The following ROBO1 variants were observed in gnomAD, a reference collection of about 807,000 sequenced individuals.
ROBO1 encodes the protein roundabout homolog 1.
A neutral mutation model predicts 195.9 loss-of-function variants in ROBO1; 149 were observed. The ratio of observed to expected loss-of-function variants is 0.76; its 90% CI spans 0.67 to 0.87. The LOEUF is 0.87. ROBO1 is among the 40% of genes least tolerant of loss of function. ROBO1 has a pLI of 0.00. For synonymous variants in ROBO1, 816 were observed against 733.2 expected, an observed-to-expected ratio of 1.11 and a Z score of -1.82; for missense variants, 1,933 against 2,068.3, an observed-to-expected ratio of 0.93 and a Z score of 1.27.
At chr3:79,305,241 C>T (rs548039100) in intron 2 of ROBO1, among the ~76,000 whole-genome samples, 15 of 152,226 alleles carry the variant, frequency 9.9e-5, no homozygotes, top group Admixed American at 4.6e-4. Context: ...AATCCCAACA[C>T]TTTGAGAGGC....
At chr3:78,734,210 A>G (rs964751594) in intron 5 of ROBO1, among the ~76,000 whole-genome samples, 3 of 152,162 alleles carry the variant, frequency 2.0e-5, no homozygotes, top group African/African-American at 7.2e-5. Context: ...GGAAGGCAGC[A>G]TAGGCATACT....
Position 79,441,814 on chromosome 3 carries a change from G to A in ROBO1, c.88+148010C>T, listed in dbSNP as rs545517638. Among the ~76,000 whole-genome samples the A allele has an allele frequency of 1.7e-4, 26 of 152,178 alleles. No individual in the cohort carries two copies. In the East Asian group the frequency reaches 4.1e-3, roughly 24 times the overall value. ...ATTTAGAAGTCATACTAGGCAGGACGCTCTAAAGGCATGAATCTGTGCTCC... is the reference window on the plus strand; with the variant it reads ...ATTTAGAAGTCATACTAGGCAGGACACTCTAAAGGCATGAATCTGTGCTCC... On this transcript the variant is annotated intron_variant, in intron 2 of 30. Transcript: ENST00000464233.
intron 2 of ROBO1, among the ~76,000 whole-genome samples, chr3:79,225,236 T>G (rs2082206293): frequency 6.6e-6 from 1 of 152,210 alleles, no homozygotes; most frequent in African/African-American, 2.4e-5. Flanking sequence ...GGAATCTTCC[T>G]GCAGGTCTGT....
intron 2 of ROBO1, among the ~76,000 whole-genome samples, chr3:79,215,195 T>A (rs2082033684): frequency 6.6e-6 from 1 of 152,160 alleles, no homozygotes; most frequent in Admixed American, 6.6e-5. Flanking sequence ...TTAGCTCTGA[T>A]GACTTGTACA....
At chr3:78,883,953 GC>G (rs2036342814) in intron 4 of ROBO1, among the ~76,000 whole-genome samples, 1 of 152,162 alleles carries the variant, frequency 6.6e-6, no homozygotes, top group South Asian at 2.1e-4. Flanking sequence ...TGCTGCATGT[GC>G]AAAATCAGAG....
chr3:79,036,685 GT>G (rs1256197769), intron 3 of ROBO1, among the ~76,000 whole-genome samples: 1 of 152,036 alleles, frequency 6.6e-6, no homozygotes, highest in Non-Finnish European at 1.5e-5. Context: ...TTGACTGGGA[GT>G]TTTATAATGA....
At chr3:78,925,102 T>A (rs2039138148) in intron 4 of ROBO1, among the ~76,000 whole-genome samples, 1 of 152,152 alleles carries the variant, frequency 6.6e-6, no homozygotes, top group Non-Finnish European at 1.5e-5. Context: ...AGGTAAACTT[T>A]TACACTATAC....
chr3:79,186,851 T>G (rs968737443), intron 2 of ROBO1, among the ~76,000 whole-genome samples: 1 of 152,104 alleles, frequency 6.6e-6, no homozygotes, highest in Non-Finnish European at 1.5e-5. Context: ...GAATATCGCA[T>G]AGGAAATGTT....
intron 3 of ROBO1, among the ~76,000 whole-genome samples, chr3:79,121,165 C>T (rs2080109113): frequency 6.6e-6 from 1 of 152,042 alleles, no homozygotes; most frequent in African/African-American, 2.4e-5. Context: ...GTAAAGTGCT[C>T]AGAAAATGGC....
At chr3:79,323,145 G>A (rs577490106) in intron 2 of ROBO1, among the ~76,000 whole-genome samples, 3 of 151,012 alleles carry the variant, frequency 2.0e-5, no homozygotes, top group Admixed American at 6.6e-5. Flanking sequence ...GCAGTGGCAC[G>A]ATCGCAGCTC....
chr3:79,545,041 T>C (rs908160476), intron 2 of ROBO1, among the ~76,000 whole-genome samples: 1 of 152,056 alleles, frequency 6.6e-6, no homozygotes, highest in Non-Finnish European at 1.5e-5. Flanking sequence ...ATATTTAATA[T>C]TTTTTTACCT....
In ROBO1 at chr3:78,859,874, A is replaced by T. The variant is rs182506277; in HGVS notation, c.499+78727T>A. On this transcript the variant is annotated intron_variant, in intron 4 of 30. Transcript: ENST00000464233. ...GGCGGGTGGATCACGAGGTCAGGAG[A>T]TCAGGACCATCCTGGCTAACACGGT... Among the ~76,000 whole-genome samples, 15 of 152,214 alleles carry T rather than the reference A, an allele frequency of 9.9e-5. No homozygotes were observed. In the East Asian group the frequency reaches 2.9e-3, roughly 30 times the overall value.
intron 2 of ROBO1, among the ~76,000 whole-genome samples, chr3:79,335,381 C>G (rs968353473): frequency 6.6e-4 from 101 of 152,206 alleles, no homozygotes; most frequent in Middle Eastern, 3.4e-3. Context: ...AAAATCTCAT[C>G]TTGAAGTGTC....
intron 10 of ROBO1, among the ~76,000 whole-genome samples, chr3:78,676,740 A>G (rs1490891119): frequency 1.3e-5 from 2 of 152,192 alleles, no homozygotes; most frequent in African/African-American, 2.4e-5. Context: ...AACCAAGTTG[A>G]AAAACACTCT....
At chr3:78,806,896 C>T (rs2084559785) in intron 4 of ROBO1, among the ~76,000 whole-genome samples, 1 of 152,042 alleles carries the variant, frequency 6.6e-6, no homozygotes, top group Non-Finnish European at 1.5e-5. Context: ...CAACCTCCGC[C>T]TCCCAGGTTC....
At chr3:79,720,218 T>C (rs1702643079) in intron 1 of ROBO1, among the ~76,000 whole-genome samples, 1 of 152,206 alleles carries the variant, frequency 6.6e-6, no homozygotes, top group African/African-American at 2.4e-5. Flanking sequence ...TAAGAAGTTT[T>C]GCAGCTTCTG....
Position 78,711,799 on chromosome 3 carries a change from T to C in ROBO1, c.1045+2598A>G, listed in dbSNP as rs535480027. ...CCACCACGCCCGGCCCCCTGTGCTG[T>C]TTCTACCATTCAAGCAGAAGTCTGA... On this transcript the variant is annotated intron_variant, in intron 8 of 30. Transcript: ENST00000464233. Among the ~76,000 whole-genome samples, 66 of 150,984 alleles carry C rather than the reference T, an allele frequency of 4.4e-4. 2 individuals are homozygous for C. In the Admixed American group the frequency reaches 4.4e-3, roughly 10 times the overall value.
intron 4 of ROBO1, among the ~76,000 whole-genome samples, chr3:78,861,385 C>A (rs2034827001): frequency 6.6e-6 from 1 of 152,166 alleles, no homozygotes; most frequent in African/African-American, 2.4e-5. Flanking sequence ...TGCACAACAG[C>A]CTTCCAACCA....
intron 2 of ROBO1, among the ~76,000 whole-genome samples, chr3:79,406,449 TA>T (rs1490748422): frequency 6.6e-6 from 1 of 151,382 alleles, no homozygotes; most frequent in African/African-American, 2.4e-5. Context: ...ATAATAATAA[TA>T]ATAAAACACC....
Sources: gnomAD v4.1 joint callset for allele counts (sites outside exome capture counted in the v4.1 genomes callset) on GRCh38, gnomAD v4.1.1 for gene constraint, MANE v1.5 for transcripts, NCBI Gene and HGNC (gene_info 2026-07-23, HGNC 2026-07-21) for gene names.